The following ALLC variants were observed in gnomAD, a reference collection of about 807,000 sequenced individuals.
The protein encoded by ALLC is allantoicase, also known as probable inactive allantoicase.
ALLC carries 40 observed loss-of-function variants against 45.0 expected under a neutral mutation model. The ratio of observed to expected loss-of-function variants is 0.89; its 90% CI spans 0.69 to 1.16. The LOEUF is 1.16. Ranked by LOEUF, ALLC falls within the 50% of genes most tolerant of loss-of-function variation. The pLI, the probability that ALLC is intolerant of heterozygous loss-of-function variation, is 0.00. For missense variants in ALLC, 488 were observed against 493.1 expected, an observed-to-expected ratio of 0.99 and a Z score of 0.10; for synonymous variants, 176 against 178.1, an observed-to-expected ratio of 0.99 and a Z score of 0.09.
intron 7 of ALLC, among the ~76,000 whole-genome samples, chr2:3,687,540 A>G (rs1667361077): frequency 6.6e-6 from 1 of 150,902 alleles, no homozygotes; most frequent in Admixed American, 6.6e-5. Context: ...TGTTTGGTAG[A>G]ATTCAGCAGG....
chr2:3,660,315 C>CT (rs1251117951), intron 1 of ALLC, among the ~76,000 whole-genome samples: 1 of 152,192 alleles, frequency 6.6e-6, no homozygotes, highest in African/African-American at 2.4e-5. Flanking sequence ...GAAGCATATG[C>CT]TAGCGCCGTG....
intron 3 of ALLC, among the ~76,000 whole-genome samples, chr2:3,676,945 GC>G (rs1332237894): frequency 6.6e-6 from 1 of 151,902 alleles, no homozygotes; most frequent in African/African-American, 2.4e-5. Context: ...CCGCCACCAC[GC>G]CCAGCTAATT....
chr2:3,658,467 G>A (rs755516915), intron 1 of ALLC, among the ~76,000 whole-genome samples, 173 bp downstream of exon 1: 35 of 152,252 alleles, frequency 2.3e-4, no homozygotes, highest in Admixed American at 7.8e-4. Context: ...TGTTGGTACC[G>A]GGCGTGGCCC....
chr2:3,690,674 CA>C lies in ALLC; in HGVS notation c.512-5034del, dbSNP rs149587968. ...AAAAATAGAAATAAACAAAGAAAAA[CA>C]AAAAAAAACTCTACATTTTTAACTT... On this transcript the variant is annotated intron_variant, in intron 7 of 11. Coordinates refer to ENST00000252505, the MANE Select transcript of ALLC (RefSeq NM_018436.4). Among the ~76,000 whole-genome samples the C allele has an allele frequency of 6.1e-4, 92 of 149,718 alleles. 2 individuals carry two copies. The highest frequency in any genetic ancestry group is 1.9e-3 in the African/African-American group (76 of 40,790).
Position 3,702,654 on chromosome 2 carries a change from A to C in ALLC, c.*91A>C, listed in dbSNP as rs1259707682. 1.5e-6 allele frequency: 2 copies of C among 1,336,080 alleles called. No homozygotes were observed. Among genetic ancestry groups the C allele is most frequent in the African/African-American group, 1.5e-5 (1 of 67,268 alleles). The allele number at this position is 1,336,080 out of a possible 1,614,324, so 82.8% of individuals were successfully genotyped here. On this transcript the variant is annotated 3_prime_UTR_variant, in exon 12 of 12. Transcript: ENST00000252505. The stretch of plus-strand genomic sequence containing the variant: ...GTTTTGAACACCTGGTGATTTAATA[A>C]AGTGGTCGTCTCACAAATTGATCTC...
At chr2:3,651,980 C>T in the ALLC span, among the ~76,000 whole-genome samples, 2 of 152,222 alleles carry the variant, frequency 1.3e-5, no homozygotes, top group Admixed American at 6.5e-5. Flanking sequence ...AGACGCAACC[C>T]GGCTCAGCTC....
At chr2:3,647,032 G>A in the ALLC span, among the ~76,000 whole-genome samples, 213 of 152,140 alleles carry the variant, frequency 1.4e-3, no homozygotes, top group African/African-American at 2.4e-3. Flanking sequence ...CATCATCCCC[G>A]TGAGGACGCA....
At chr2:3,673,860 C>A (rs1179205702) in intron 2 of ALLC, among the ~76,000 whole-genome samples, 3 of 151,816 alleles carry the variant, frequency 2.0e-5, no homozygotes, top group African/African-American at 4.8e-5. Context: ...AAAGGAGAAT[C>A]GGAAAAAAGG....
intron 11 of ALLC, among the ~76,000 whole-genome samples, chr2:3,702,088 A>G (rs938530030): frequency 6.6e-6 from 1 of 152,124 alleles, no homozygotes; most frequent in Non-Finnish European, 1.5e-5. Context: ...TCATTTTCTT[A>G]TCAATTTGCT....
the ALLC span, among the ~76,000 whole-genome samples, chr2:3,650,061 A>T: frequency 2.0e-5 from 3 of 152,238 alleles, no homozygotes; most frequent in African/African-American, 7.2e-5. Flanking sequence ...CGGAGCCGTC[A>T]TCTGTGGGTC....
At position 3,681,703 on chromosome 2, in the gene ALLC, C is replaced by A. The variant is rs1558541715; in HGVS notation, c.368C>A (p.Ala123Asp). 1 of 1,608,906 alleles carries A rather than the reference C, an allele frequency of 6.2e-7. No homozygotes were observed. The change falls in exon 6 of 12, where the codon GCC (alanine) becomes GAC (aspartate). Residue 123 changes from alanine to aspartate, a missense_variant. Transcript: ENST00000252505. Reference sequence around the variant, plus strand: ...GCAGCCACTCCTGAGGAGTTTGAAGCCATTGCTGAGGTACATCTCCCCCAA... The same window carrying A: ...GCAGCCACTCCTGAGGAGTTTGAAGACATTGCTGAGGTACATCTCCCCCAA... ...GAAATPEEFE[A>D]IAELKSDDWS...
At chr2:3,682,603 G>A (rs1216328283) in intron 6 of ALLC, among the ~76,000 whole-genome samples, 3 of 152,138 alleles carry the variant, frequency 2.0e-5, no homozygotes, top group Non-Finnish European at 4.4e-5. Context: ...TCGGCTCACT[G>A]CAAGCTCCGC....
the ALLC span, among the ~76,000 whole-genome samples, chr2:3,647,681 C>G: frequency 2.0e-5 from 3 of 151,984 alleles, no homozygotes; most frequent in Non-Finnish European, 2.9e-5. Flanking sequence ...TCTCCTGATG[C>G]CCCTGGGGGT....
intron 3 of ALLC, among the ~76,000 whole-genome samples, chr2:3,675,351 C>T (rs543245700): frequency 1.5e-4 from 23 of 149,864 alleles, no homozygotes; most frequent in African/African-American, 5.0e-4. Context: ...CATCATGCCA[C>T]TGCACTCCAG....
the ALLC span, among the ~76,000 whole-genome samples, chr2:3,652,632 C>T: frequency 7.8e-6 from 1 of 128,332 alleles, no homozygotes; most frequent in African/African-American, 3.0e-5. Context: ...GCTCGTTTAG[C>T]AGGCTGGAAT....
chr2:3,684,553 T>G (rs1667276630), intron 7 of ALLC, among the ~76,000 whole-genome samples: 1 of 152,162 alleles, frequency 6.6e-6, no homozygotes, highest in African/African-American at 2.4e-5. Context: ...ATGTGTAGCC[T>G]GTTATCCCTC....
chr2:3,651,301 TGGGTG>T, the ALLC span, among the ~76,000 whole-genome samples: 1 of 7,772 alleles, frequency 1.3e-4, no homozygotes, highest in Non-Finnish European at 2.8e-4. Flanking sequence ...TCTTTTTGGG[TGGGTG>T]GGTGGGTGGG....
intron 3 of ALLC, among the ~76,000 whole-genome samples, chr2:3,675,868 C>G (rs1667012157): frequency 6.6e-6 from 1 of 152,194 alleles, no homozygotes; most frequent in Non-Finnish European, 1.5e-5. Flanking sequence ...ACAGTGATTT[C>G]TTGAAGTTCT....
rs186926132 is a variant in ALLC at position 3,701,600 on chromosome 2, G to A, written c.939G>A (p.Pro313=). ...EAVIRQKWIL[P]AHKWKPLLPV... is the part of the protein sequence containing the mutation. ...TGATCAGGCAAAAGTGGATTCTCCC[G>A]GCCCACAAGTGGAAACCACTGCTTC... is the stretch of plus-strand genomic sequence containing the variant. The change falls in exon 11 of 12, where the codon CCG becomes CCA. Residue 313 remains proline (P), a synonymous_variant. Coordinates refer to ENST00000252505, the MANE Select transcript of ALLC (RefSeq NM_018436.4). 15 of 1,610,900 alleles carry A rather than the reference G, an allele frequency of 9.3e-6. No homozygotes were observed. Among genetic ancestry groups the A allele is most frequent in the South Asian group, 5.6e-5 (5 of 90,046 alleles).
Sources: gnomAD v4.1 joint callset for allele counts (sites outside exome capture counted in the v4.1 genomes callset) on GRCh38, gnomAD v4.1.1 for gene constraint, MANE v1.5 for transcripts, NCBI Gene and HGNC (gene_info 2026-07-23, HGNC 2026-07-21) for gene names.